The following CD96 variants were observed in gnomAD, a reference collection of about 807,000 sequenced individuals.
The protein encoded by CD96 is CD96 molecule.
Under a neutral mutation model 71.3 loss-of-function variants are expected in CD96, and 70 were observed. The observed-to-expected ratio is 0.98, with a 90% CI of 0.81 to 1.20. CD96 has a LOEUF of 1.20. CD96 is among the 50% of genes most tolerant of loss of function. The probability of loss-of-function intolerance (pLI) is 0.00; values close to 1 mark genes in which losing one functional copy is unlikely to be tolerated. For missense variants in CD96, 742 were observed against 677.5 expected, an observed-to-expected ratio of 1.10 and a Z score of -1.06; for synonymous variants, 248 against 233.0, an observed-to-expected ratio of 1.06 and a Z score of -0.59.
chr3:111,606,942 A>C (rs1175806420), intron 8 of CD96, 150 bp downstream of exon 8: 1 of 694,886 alleles, frequency 1.4e-6, no homozygotes, highest in Non-Finnish European at 2.6e-6. Flanking sequence ...CTTTATTGAG[A>C]TATAATTCAC....
chr3:111,572,021 A>G (rs1413647275), intron 3 of CD96, among the ~76,000 whole-genome samples: 1 of 152,228 alleles, frequency 6.6e-6, no homozygotes, highest in Non-Finnish European at 1.5e-5. Flanking sequence ...ATGCAAGTGC[A>G]GAAACCCATG....
chr3:111,552,496 T>C (rs1371518644), intron 2 of CD96, among the ~76,000 whole-genome samples: 4 of 152,192 alleles, frequency 2.6e-5, no homozygotes, highest in Non-Finnish European at 4.4e-5. Context: ...TCTCAGATAT[T>C]CTTTTGCAGC....
intron 3 of CD96, chr3:111,570,610 T>C: frequency 1.3e-6 from 2 of 1,568,798 alleles, no homozygotes; most frequent in Non-Finnish European, 1.7e-6. Context: ...ACAGGTGAGA[T>C]GTGAGACACC....
intron 2 of CD96, among the ~76,000 whole-genome samples, chr3:111,554,400 T>A (rs1934880210): frequency 6.6e-6 from 1 of 152,168 alleles, no homozygotes; most frequent in African/African-American, 2.4e-5. Flanking sequence ...CCTCCATTTC[T>A]TCTCTGTTTT....
intron 12 of CD96, among the ~76,000 whole-genome samples, chr3:111,646,317 A>G (rs1293959491): frequency 1.3e-5 from 2 of 152,150 alleles, no homozygotes; most frequent in Non-Finnish European, 2.9e-5. Flanking sequence ...GTGATATGGA[A>G]AGTATTCCAA....
chr3:111,549,697 G>A (rs1173194487), intron 2 of CD96, among the ~76,000 whole-genome samples: 2 of 151,954 alleles, frequency 1.3e-5, no homozygotes, highest in Admixed American at 6.6e-5. Context: ...CGTGAAGGAA[G>A]GAATAAAAAG....
chr3:111,596,016 GC>G (rs1420712221), intron 5 of CD96, among the ~76,000 whole-genome samples: 1 of 151,854 alleles, frequency 6.6e-6, no homozygotes, highest in East Asian at 1.9e-4. Flanking sequence ...GCAAAAATTA[GC>G]CAGGTGTGGT....
chr3:111,665,960 C>G (rs1002216079), downstream of CD96, among the ~76,000 whole-genome samples: 9 of 152,274 alleles, frequency 5.9e-5, no homozygotes, highest in Non-Finnish European at 1.2e-4. Context: ...ACAGCTTGAC[C>G]AATATTTATC....
intron 14 of CD96, among the ~76,000 whole-genome samples, chr3:111,658,451 A>G (rs1576443091): frequency 6.6e-6 from 1 of 152,228 alleles, no homozygotes; most frequent in African/African-American, 2.4e-5. Flanking sequence ...AGAAGTTATC[A>G]TTTTGTAATC....
chr3:111,600,579 C>A, intron 6 of CD96, 147 bp from the exon 7 acceptor site: 1 of 649,682 alleles, frequency 1.5e-6, no homozygotes, highest in South Asian at 1.8e-5. Flanking sequence ...TTCAGATCTG[C>A]TGAAATTGAC....
rs1940116825 is a variant in CD96, at chr3:111,652,265, A to T, written c.*2459A>T. On this transcript the variant is annotated 3_prime_UTR_variant, in exon 14 of 14. Coordinates refer to ENST00000352690, the MANE Select transcript of CD96 (RefSeq NM_005816.5). ...AATTATTTATCTTTAGTTCCTTATT[A>T]GTTCTCAAGAAACAAATGCTAGCTT... 1 of 152,172 alleles carries T rather than the reference A, an allele frequency of 6.6e-6. No individual in the cohort carries two copies. The highest frequency in any genetic ancestry group is 1.5e-5 in the Non-Finnish European group (1 of 68,016). The allele number at this position is 152,172 out of a possible 1,614,324, so 9.4% of individuals were successfully genotyped here. A position where few individuals can be genotyped will look rare whatever the true frequency, so the allele number is the denominator to read the frequency against.
chr3:111,662,900 T>C lies in CD96; in HGVS notation c.*53-2627T>C, dbSNP rs148858682. Among the ~76,000 whole-genome samples, 1,135 of 152,336 alleles carry C rather than the reference T, an allele frequency of 7.5e-3. 17 individuals carry two copies. The highest frequency in any genetic ancestry group is 0.026 in the African/African-American group (1,091 of 41,574). On this transcript the variant is annotated intron_variant and NMD_transcript_variant, in intron 14 of 14. Coordinates refer to the CD96 transcript ENST00000494798. ...CCAGTTCCAATGTTGTGTCCACATT[T>C]TCAGGTATCTTTATAGCAATGCCCC...
chr3:111,633,944 C>G (rs1262448848), intron 10 of CD96: 3 of 152,644 alleles, frequency 2.0e-5, no homozygotes, highest in African/African-American at 7.2e-5. Context: ...TAAGAAGTTG[C>G]TCATCAAAAG....
intron 2 of CD96, among the ~76,000 whole-genome samples, chr3:111,563,791 A>T (rs1259545844): frequency 6.6e-6 from 1 of 152,206 alleles, no homozygotes; most frequent in Non-Finnish European, 1.5e-5. Flanking sequence ...ATAGATAATC[A>T]ACATTTACCA....
intron 1 of CD96, among the ~76,000 whole-genome samples, chr3:111,544,369 T>A (rs890737663): frequency 6.6e-6 from 1 of 152,138 alleles, no homozygotes; most frequent in Non-Finnish European, 1.5e-5. Flanking sequence ...GGTCTGGTTC[T>A]CTTGACCTCA....
At chr3:111,662,813 C>T (rs1466084934) in intron 14 of CD96, among the ~76,000 whole-genome samples, 2 of 152,216 alleles carry the variant, frequency 1.3e-5, no homozygotes, top group Admixed American at 6.5e-5. Flanking sequence ...AAGTTCCAAA[C>T]TTTCCCTCAT....
intron 5 of CD96, among the ~76,000 whole-genome samples, chr3:111,592,398 A>G (rs1184072096): frequency 1.3e-5 from 2 of 152,240 alleles, no homozygotes; most frequent in Non-Finnish European, 2.9e-5. Flanking sequence ...TTTCAGAGGT[A>G]TGAGTAAAAT....
rs937363796 is a variant in CD96, at chr3:111,570,959, C to T, written c.543+3312C>T. 41 of 1,547,096 alleles carry T rather than the reference C, an allele frequency of 2.7e-5. No individual in the cohort carries two copies. The African/African-American group carries it at 4.9e-4, about 19-fold the overall frequency. ...AGTAGGGGGTCTTGAGTGGGCTGTG[C>T]TCTGAGGCCACCAGAGTGAAAAGCT... On this transcript the variant is annotated intron_variant, in intron 3 of 13. Transcript: ENST00000352690.
At chr3:111,644,625 A>C (rs1271273399) in intron 12 of CD96, among the ~76,000 whole-genome samples, 18 of 152,294 alleles carry the variant, frequency 1.2e-4, no homozygotes, top group Admixed American at 1.1e-3. Flanking sequence ...CTTCTGACAA[A>C]GAACTACTAT....
Sources: gnomAD v4.1 joint callset for allele counts (sites outside exome capture counted in the v4.1 genomes callset) on GRCh38, gnomAD v4.1.1 for gene constraint, MANE v1.5 for transcripts, NCBI Gene and HGNC (gene_info 2026-07-23, HGNC 2026-07-21) for gene names.